The following LGMN variants were observed in gnomAD, a reference collection of about 807,000 sequenced individuals.
The protein encoded by LGMN is legumain.
LGMN carries 36 observed loss-of-function variants against 56.8 expected under a neutral mutation model. That is an observed-to-expected ratio of 0.63 (90% CI 0.49 to 0.84). LGMN has a LOEUF of 0.84. Among genes scored for constraint, LGMN ranks in the 40% least tolerant of loss-of-function variants. LGMN has a pLI of 0.00. For missense variants in LGMN, 446 were observed against 556.1 expected, an observed-to-expected ratio of 0.80 and a Z score of 1.99; for synonymous variants, 199 against 210.1, an observed-to-expected ratio of 0.95 and a Z score of 0.46.
intron 2 of LGMN, among the ~76,000 whole-genome samples, chr14:92,723,558 A>G (rs1486051135): frequency 6.6e-6 from 1 of 152,238 alleles, no homozygotes; most frequent in African/African-American, 2.4e-5. Flanking sequence ...GCACTGATGC[A>G]TGCTACAACG....
intron 1 of LGMN, among the ~76,000 whole-genome samples, chr14:92,744,536 C>A (rs1202892746): frequency 6.6e-6 from 1 of 151,530 alleles, no homozygotes; most frequent in Non-Finnish European, 1.5e-5. Flanking sequence ...AACACATGTT[C>A]AGTTTTACAT....
chr14:92,736,152 T>C (rs1286419737), intron 1 of LGMN, among the ~76,000 whole-genome samples: 1 of 152,136 alleles, frequency 6.6e-6, no homozygotes, highest in Non-Finnish European at 1.5e-5. Context: ...CATGTCTACC[T>C]TAGGTGCAAT....
At chr14:92,713,770 C>T (rs1248869207) in intron 7 of LGMN, 53 bp downstream of exon 7, 36 of 1,286,694 alleles carry the variant, frequency 2.8e-5, no homozygotes, top group South Asian at 4.7e-5. Flanking sequence ...TCTGCACTCA[C>T]GGCTTTCCTC....
At chr14:92,728,029 T>C (rs994040214) in intron 2 of LGMN, among the ~76,000 whole-genome samples, 1 of 152,238 alleles carries the variant, frequency 6.6e-6, no homozygotes, top group African/African-American at 2.4e-5. Context: ...GCAGTTGTGA[T>C]TGCTTAAAGA....
chr14:92,712,827 G>A lies in LGMN; in HGVS notation c.588C>T (p.Asn196=). The A allele has an allele frequency of 6.2e-7, 1 of 1,613,958 alleles. No homozygotes were observed. ...TACCATTGATGTTATCCGGCAGGTG[G>A]TTCATCATGGACCCAGACTCACAGG... ...IEACESGSMM[N]HLPDNINVYA... Residue 196 remains asparagine (N), a synonymous_variant, in exon 8 of 14, where the codon AAC becomes AAT. Coordinates refer to ENST00000334869, the MANE Select transcript of LGMN (RefSeq NM_005606.7).
chr14:92,722,799 C>A, intron 2 of LGMN, among the ~76,000 whole-genome samples: 1 of 152,158 alleles, frequency 6.6e-6, no homozygotes. Context: ...ATAAACATTT[C>A]ACCTAAGAAG....
At chr14:92,726,386 C>T (rs1890741672) in intron 2 of LGMN, among the ~76,000 whole-genome samples, 1 of 152,124 alleles carries the variant, frequency 6.6e-6, no homozygotes, top group Non-Finnish European at 1.5e-5. Flanking sequence ...CCGCCAGCCT[C>T]GATTTTTGCC....
chr14:92,739,979 G>C (rs141539161), intron 1 of LGMN, among the ~76,000 whole-genome samples: 1 of 152,086 alleles, frequency 6.6e-6, no homozygotes, highest in South Asian at 2.1e-4. Flanking sequence ...AGCTGGGCAC[G>C]GTGGCTCACG....
At chr14:92,745,049 G>A (rs1488088836) in intron 1 of LGMN, among the ~76,000 whole-genome samples, 1 of 152,198 alleles carries the variant, frequency 6.6e-6, no homozygotes, top group Non-Finnish European at 1.5e-5. Flanking sequence ...TGTAATCCCA[G>A]TACTCTGGGA....
At chr14:92,746,778 T>C (rs1467508266) in intron 1 of LGMN, among the ~76,000 whole-genome samples, 1 of 152,180 alleles carries the variant, frequency 6.6e-6, no homozygotes, top group African/African-American at 2.4e-5. Flanking sequence ...GGCTCACGCC[T>C]GTAATCTCAG....
At chr14:92,719,235 C>T (rs1468453592) in intron 2 of LGMN, among the ~76,000 whole-genome samples, 3 of 51,868 alleles carry the variant, frequency 5.8e-5, no homozygotes, top group Admixed American at 1.8e-4. Flanking sequence ...CCACCGCCAC[C>T]GCCACCACCG....
At chr14:92,727,825 TG>T (rs2140251496) in intron 2 of LGMN, among the ~76,000 whole-genome samples, 1 of 152,278 alleles carries the variant, frequency 6.6e-6, no homozygotes, top group South Asian at 2.1e-4. Context: ...CCTAAAAGGC[TG>T]GGGGCTCCTG....
rs768929763 is a variant in LGMN at position 92,704,712 on chromosome 14, G to A, written c.1192-5C>T. ...ATGTCTCAACGCATACTCGTACTGG[G>A]AGAAAACAAACGAGAAGAATGAAAC... On this transcript the variant is annotated splice_region_variant and splice_polypyrimidine_tract_variant and intron_variant, in intron 12 of 13. Coordinates refer to ENST00000334869, the MANE Select transcript of LGMN (RefSeq NM_005606.7). The A allele has an allele frequency of 6.2e-7, 1 of 1,611,148 alleles. No individual in the cohort carries two copies. The highest frequency in any genetic ancestry group is 1.3e-5 in the African/African-American group (1 of 74,880).
chr14:92,704,640 C>T lies in LGMN; in HGVS notation c.1259G>A (p.Arg420Lys). ...NLCEKPYPLH[R>K]IKLSMDHVCL... ...CAAGCGTCACCGCTGCATTAGTTAC[C>T]TGTGAAGCGGATACGGCTTCTCACA... The change falls in exon 13 of 14, where the codon AGG becomes AAG. Residue 420 changes from arginine to lysine, a missense_variant and splice_region_variant. By Grantham distance (26) the Arg-to-Lys change is conservative (BLOSUM62 2). Transcript: ENST00000334869. 6.2e-7 allele frequency: 1 copy of T among 1,610,468 alleles called. No homozygotes were observed. The highest frequency in any genetic ancestry group is 1.1e-5 in the South Asian group (1 of 91,020).
At chr14:92,726,541 A>G (rs1890750459) in intron 2 of LGMN, among the ~76,000 whole-genome samples, 1 of 152,140 alleles carries the variant, frequency 6.6e-6, no homozygotes, top group African/African-American at 2.4e-5. Flanking sequence ...ACACAGAGTG[A>G]GGAGCTCCCT....
In LGMN at chr14:92,731,566, T is replaced by C. The variant is rs150875828; in HGVS notation, c.138+1083A>G. 7.1e-3 allele frequency among the ~76,000 whole-genome samples: 1,085 copies of C among 152,372 alleles called. 17 individuals are homozygous for C. Among genetic ancestry groups the C allele is most frequent in the African/African-American group, 0.024 (1,009 of 41,594 alleles). On this transcript the variant is annotated intron_variant, in intron 2 of 13. Transcript: ENST00000334869. ...AATGGAATCATAACATATGTGGTCTTTGTGACTAGCTCCTTAGCATGTTTG... is the reference window on the plus strand; with the variant it reads ...AATGGAATCATAACATATGTGGTCTCTGTGACTAGCTCCTTAGCATGTTTG...
intron 12 of LGMN, 146 bp downstream of exon 12, chr14:92,706,337 G>T (rs1333348769): frequency 1.2e-4 from 77 of 625,914 alleles, no homozygotes; most frequent in Non-Finnish European, 1.7e-4. Context: ...AGTGAATTTG[G>T]ACAACCTTCT....
rs1890349553 is a variant in LGMN, at chr14:92,719,450, T to G, written c.139-606A>C. Reference sequence around the variant, plus strand: ...ACCACATATATAGGTAAGAAGGACCTCTGAAAGTCCTAAGTAACTTGTTTT... The same window carrying G: ...ACCACATATATAGGTAAGAAGGACCGCTGAAAGTCCTAAGTAACTTGTTTT... On this transcript the variant is annotated intron_variant, in intron 2 of 13. Coordinates refer to ENST00000334869, the MANE Select transcript of LGMN (RefSeq NM_005606.7). Among the ~76,000 whole-genome samples the G allele has an allele frequency of 3.3e-5, 5 of 152,060 alleles. 1 individual carries two copies. The South Asian group carries it at 1.0e-3, about 32-fold the overall frequency.
intron 1 of LGMN, chr14:92,741,605 C>G (rs974765774): frequency 2.0e-5 from 3 of 152,178 alleles, no homozygotes; most frequent in African/African-American, 4.8e-5. Flanking sequence ...AATCTTAGCA[C>G]TTCAGGAGGC....
Sources: allele counts gnomAD v4.1 joint callset (sites outside exome capture counted in the v4.1 genomes callset), GRCh38; gene constraint gnomAD v4.1.1; transcripts MANE v1.5; gene names NCBI Gene and HGNC (gene_info 2026-07-23, HGNC 2026-07-21).